Variants in CDIN1 observed in about 807,000 individuals in gnomAD.
The protein encoded by CDIN1 is CDAN1-interacting nuclease 1.
A neutral mutation model predicts 45.3 loss-of-function variants in CDIN1; 33 were observed. That is an observed-to-expected ratio of 0.73 (90% CI 0.55 to 0.97). The LOEUF (loss-of-function observed/expected upper bound fraction) is 0.97, where lower values mean the gene tolerates loss of function less well. Among genes scored for constraint, CDIN1 ranks in the 50% least tolerant of loss-of-function variants. The pLI, the probability that CDIN1 is intolerant of heterozygous loss-of-function variation, is 0.00. For missense variants in CDIN1, 303 were observed against 339.4 expected (o/e 0.89, Z 0.84); for synonymous variants, 118 against 124.4 (o/e 0.95, Z 0.34).
chr15:36,722,692 G>A (rs1420779688), intron 10 of CDIN1, among the ~76,000 whole-genome samples: 1 of 152,154 alleles, frequency 6.6e-6, no homozygotes, highest in African/African-American at 2.4e-5. Context: ...AATGGATAAT[G>A]TATAAGTGAT....
At chr15:36,609,906 G>A (rs1422016646) in intron 1 of CDIN1, among the ~76,000 whole-genome samples, 2 of 152,222 alleles carry the variant, frequency 1.3e-5, no homozygotes, top group African/African-American at 4.8e-5. Flanking sequence ...TGGTGTTTTA[G>A]TAAAGCTGTG....
chr15:36,794,907 T>C (rs1352828153), intron 10 of CDIN1, among the ~76,000 whole-genome samples: 1 of 152,088 alleles, frequency 6.6e-6, no homozygotes, highest in Non-Finnish European at 1.5e-5. Flanking sequence ...GATGAATGAA[T>C]GAAGAAAATG....
intron 10 of CDIN1, among the ~76,000 whole-genome samples, chr15:36,722,303 A>ATCTCTCTCTCTCTC (rs5811928): frequency 0.04 from 5,590 of 140,470 alleles, 143 homozygotes; most frequent in Non-Finnish European, 0.047. Context: ...TTCTTTTGAG[A>ATCTCTCTCTCTCTC]TCTCTCTCTC....
chr15:36,660,138 G>A (rs1236067632), intron 5 of CDIN1, among the ~76,000 whole-genome samples: 3 of 151,954 alleles, frequency 2.0e-5, no homozygotes, highest in Non-Finnish European at 4.4e-5. Context: ...GTTTTGTAAT[G>A]TGTTTCCATT....
chr15:36,700,561 T>G (rs570318841), intron 8 of CDIN1, among the ~76,000 whole-genome samples: 1 of 151,680 alleles, frequency 6.6e-6, no homozygotes, highest in African/African-American at 2.4e-5. Flanking sequence ...ATTCATTTGT[T>G]CTTTCTCACC....
intron 10 of CDIN1, among the ~76,000 whole-genome samples, chr15:36,796,566 A>G (rs896838323): frequency 1.3e-5 from 2 of 152,128 alleles, no homozygotes; most frequent in African/African-American, 4.8e-5. Flanking sequence ...GGCCTCCCAG[A>G]CCTGTCTAGC....
chr15:36,694,980 G>T (rs1595482252), intron 7 of CDIN1, among the ~76,000 whole-genome samples: 1 of 152,168 alleles, frequency 6.6e-6, no homozygotes, highest in East Asian at 1.9e-4. Context: ...CTGAAAATTT[G>T]TGAAATTTTG....
At chr15:36,734,134 G>C (rs2043930137) in intron 10 of CDIN1, among the ~76,000 whole-genome samples, 1 of 151,990 alleles carries the variant, frequency 6.6e-6, no homozygotes. Context: ...AGTGTTAAAA[G>C]GCCTACTCTT....
intron 3 of CDIN1, among the ~76,000 whole-genome samples, chr15:36,647,060 G>A (rs1190052475): frequency 8.6e-6 from 1 of 116,150 alleles, no homozygotes; most frequent in African/African-American, 3.4e-5. Flanking sequence ...GTCTCTCTCT[G>A]TCACCCAGTC....
intron 10 of CDIN1, among the ~76,000 whole-genome samples, chr15:36,755,786 C>T (rs776419664): frequency 6.6e-5 from 10 of 152,094 alleles, no homozygotes; most frequent in Non-Finnish European, 1.0e-4. Flanking sequence ...CTTAAGATTG[C>T]GGTCAGCAAA....
intron 5 of CDIN1, chr15:36,668,988 A>G (rs2041350428): frequency 6.6e-6 from 1 of 152,142 alleles, no homozygotes; most frequent in Non-Finnish European, 1.5e-5. Flanking sequence ...CTTGAGCCAT[A>G]TGAAGGATTA....
chr15:36,789,251 C>A (rs1462311145), intron 10 of CDIN1, among the ~76,000 whole-genome samples: 1 of 152,002 alleles, frequency 6.6e-6, no homozygotes, highest in African/African-American at 2.4e-5. Flanking sequence ...TACATTTGTC[C>A]AAAAAACTGA....
At chr15:36,725,487 A>G (rs1239384437) in intron 10 of CDIN1, among the ~76,000 whole-genome samples, 1 of 152,172 alleles carries the variant, frequency 6.6e-6, no homozygotes, top group African/African-American at 2.4e-5. Context: ...GTGCTATCTT[A>G]TGTTTTATAG....
chr15:36,589,657 C>T (rs1180380357), intron 1 of CDIN1, among the ~76,000 whole-genome samples: 1 of 152,180 alleles, frequency 6.6e-6, no homozygotes, highest in Non-Finnish European at 1.5e-5. Flanking sequence ...AGGCGCCCGC[C>T]ACCACGCCCG....
chr15:36,639,081 G>A (rs1217268240), intron 1 of CDIN1, among the ~76,000 whole-genome samples: 1 of 152,182 alleles, frequency 6.6e-6, no homozygotes, highest in Non-Finnish European at 1.5e-5. Flanking sequence ...GAAGATTGTT[G>A]TGGGGATAAA....
At chr15:36,798,369 G>C (rs1007914144) in intron 10 of CDIN1, among the ~76,000 whole-genome samples, 11 of 152,050 alleles carry the variant, frequency 7.2e-5, no homozygotes, top group South Asian at 4.1e-4. Context: ...TTGCCTTCAT[G>C]AATCTGCAAA....
At chr15:36,747,238 G>C (rs190096808) in intron 10 of CDIN1, 6 of 353,102 alleles carry the variant, frequency 1.7e-5, no homozygotes, top group African/African-American at 1.3e-4. Flanking sequence ...GATAGTTCCC[G>C]TAACACTTGT....
chr15:36,623,749 G>T (rs983803086), intron 1 of CDIN1, among the ~76,000 whole-genome samples: 3 of 152,306 alleles, frequency 2.0e-5, no homozygotes, highest in Middle Eastern at 3.4e-3. Flanking sequence ...AGTAAATTTT[G>T]TTTTTTGTTG....
Position 36,765,277 on chromosome 15 carries a change from A to G in CDIN1, c.717-43047A>G, listed in dbSNP as rs2053889758. ...CACCATGTTGGTCAGGCTGGTCTTG[A>G]ACTCCTGACCTCAAGTGATCCACCC... On this transcript the variant is annotated intron_variant, in intron 10 of 10. Transcript: ENST00000566621. 7.3e-5 allele frequency among the ~76,000 whole-genome samples: 11 copies of G among 151,694 alleles called. No homozygotes were observed. The South Asian group carries it at 2.1e-3, about 29-fold the overall frequency.
Sources: allele counts gnomAD v4.1 joint callset (sites outside exome capture counted in the v4.1 genomes callset), GRCh38; gene constraint gnomAD v4.1.1; transcripts MANE v1.5; gene names NCBI Gene and HGNC (gene_info 2026-07-23, HGNC 2026-07-21).